ULK4: variants seen among roughly 807,000 people sequenced by gnomAD.
The protein encoded by ULK4 is unc-51 like kinase 4, also known as inactive serine/threonine-protein kinase ULK4.
In ULK4, 133 loss-of-function variants were observed where a neutral mutation model predicts 160.6. The observed-to-expected ratio is 0.83, with a 90% CI of 0.72 to 0.96. ULK4 has a LOEUF of 0.96. Ranked by LOEUF, ULK4 falls within the 40% of genes least tolerant of loss-of-function variation. The pLI, the probability that ULK4 is intolerant of heterozygous loss-of-function variation, is 0.00. For synonymous variants in ULK4, 534 were observed against 539.8 expected, an observed-to-expected ratio of 0.99 and a Z score of 0.15; for missense variants, 1,580 against 1,499.5, an observed-to-expected ratio of 1.05 and a Z score of -0.89.
chr3:41,445,455 G>C (rs562434461), intron 34 of ULK4, among the ~76,000 whole-genome samples: 19,681 of 152,108 alleles, frequency 0.13, 1,634 homozygotes, highest in Admixed American at 0.19. Context: ...GAGGCATCAT[G>C]CTACCTGACT....
intron 29 of ULK4, among the ~76,000 whole-genome samples, chr3:41,670,790 T>TC (rs2035513076): frequency 6.6e-6 from 1 of 151,962 alleles, no homozygotes; most frequent in African/African-American, 2.4e-5. Flanking sequence ...AGAAATGACT[T>TC]CAATAACACT....
chr3:41,456,210 A>G (rs2083549353), intron 33 of ULK4, among the ~76,000 whole-genome samples: 1 of 152,174 alleles, frequency 6.6e-6, no homozygotes, highest in African/African-American at 2.4e-5. Flanking sequence ...GCGCCCAGCC[A>G]AAAGTGCTTT....
In ULK4 at chr3:41,744,149, G is replaced by T. The variant is rs931683896; in HGVS notation, c.2321+10212C>A. On this transcript the variant is annotated intron_variant, in intron 22 of 36. Transcript: ENST00000301831. ...AAATGTTCAGATAACCCAAAGAAAGGTAAGTAAAGAGAAACAAAATAAGGA... is the reference window on the plus strand; with the variant it reads ...AAATGTTCAGATAACCCAAAGAAAGTTAAGTAAAGAGAAACAAAATAAGGA... Among the ~76,000 whole-genome samples the T allele has an allele frequency of 2.0e-5, 3 of 151,708 alleles. No individual in the cohort carries two copies. The East Asian group carries it at 5.8e-4, about 29-fold the overall frequency.
chr3:41,557,245 T>C (rs1176518679), intron 32 of ULK4, among the ~76,000 whole-genome samples: 1 of 151,840 alleles, frequency 6.6e-6, no homozygotes, highest in Admixed American at 6.6e-5. Flanking sequence ...AAAAAGATCC[T>C]CAGACAAATC....
chr3:41,830,501 T>C (rs2041541058), intron 18 of ULK4, among the ~76,000 whole-genome samples: 1 of 152,110 alleles, frequency 6.6e-6, no homozygotes, highest in East Asian at 1.9e-4. Flanking sequence ...AGGTTCATTT[T>C]CTGTATGTAG....
chr3:41,323,739 C>G (rs1204289430), intron 35 of ULK4, among the ~76,000 whole-genome samples: 3 of 151,974 alleles, frequency 2.0e-5, no homozygotes, highest in Non-Finnish European at 4.4e-5. Flanking sequence ...AAAGCAGACA[C>G]AGTGTAAGGG....
chr3:41,801,837 C>A (rs942830418), intron 19 of ULK4, among the ~76,000 whole-genome samples: 1 of 151,620 alleles, frequency 6.6e-6, no homozygotes, highest in African/African-American at 2.4e-5. Context: ...AGCAACAAAG[C>A]AAGACCCTGT....
intron 9 of ULK4, among the ~76,000 whole-genome samples, chr3:41,911,930 A>G (rs1457166971): frequency 6.6e-6 from 1 of 152,130 alleles, no homozygotes; most frequent in Non-Finnish European, 1.5e-5. Context: ...AGGCAGACGG[A>G]TCACTTGAAC....
At chr3:41,639,799 AT>A (rs1312455186) in intron 30 of ULK4, among the ~76,000 whole-genome samples, 6 of 152,226 alleles carry the variant, frequency 3.9e-5, no homozygotes, top group African/African-American at 1.4e-4. Context: ...GGCAACTGTC[AT>A]TTTTATACAT....
chr3:41,960,339 A>C (rs907080372), intron 1 of ULK4, among the ~76,000 whole-genome samples: 3 of 151,998 alleles, frequency 2.0e-5, no homozygotes, highest in Admixed American at 2.0e-4. Context: ...GTTTCCTTAG[A>C]GTAAAATAAG....
chr3:41,946,810 G>A (rs1301951742), intron 2 of ULK4, among the ~76,000 whole-genome samples: 1 of 152,122 alleles, frequency 6.6e-6, no homozygotes, highest in Non-Finnish European at 1.5e-5. Flanking sequence ...GGAGAGGGTG[G>A]CATTTGTTCT....
At chr3:41,357,950 G>C (rs999561786) in intron 35 of ULK4, among the ~76,000 whole-genome samples, 4 of 152,190 alleles carry the variant, frequency 2.6e-5, no homozygotes, top group African/African-American at 9.7e-5. Context: ...TGTATAAAAA[G>C]AGAAAACTAT....
chr3:41,870,517 T>TAA (rs1415920401), intron 17 of ULK4, among the ~76,000 whole-genome samples: 7 of 152,220 alleles, frequency 4.6e-5, no homozygotes, highest in African/African-American at 1.7e-4. Flanking sequence ...TTTTTGAACT[T>TAA]TTATTGTGAA....
At chr3:41,776,406 C>G (rs993748746) in intron 21 of ULK4, among the ~76,000 whole-genome samples, 1 of 150,048 alleles carries the variant, frequency 6.7e-6, no homozygotes, top group Non-Finnish European at 1.5e-5. Flanking sequence ...TCAAGTTTTC[C>G]TTTTCATATT....
intron 32 of ULK4, among the ~76,000 whole-genome samples, chr3:41,527,619 T>C (rs2086165511): frequency 6.6e-6 from 1 of 152,244 alleles, no homozygotes; most frequent in African/African-American, 2.4e-5. Flanking sequence ...GTTGTCCACC[T>C]AATTCTTTAA....
At chr3:41,869,188 T>C (rs1697005964) in intron 17 of ULK4, 2 of 152,150 alleles carry the variant, frequency 1.3e-5, no homozygotes, top group African/African-American at 4.8e-5. Flanking sequence ...CCAATTATAA[T>C]AGCATGCATA....
intron 19 of ULK4, among the ~76,000 whole-genome samples, chr3:41,813,650 G>A (rs1331849245): frequency 3.3e-5 from 5 of 152,154 alleles, no homozygotes. Flanking sequence ...ATTTTAATAA[G>A]AGCTAAAATG....
At chr3:41,765,378 G>A (rs2039124769) in intron 21 of ULK4, among the ~76,000 whole-genome samples, 1 of 151,994 alleles carries the variant, frequency 6.6e-6, no homozygotes, top group African/African-American at 2.4e-5. Context: ...TGGACACAGG[G>A]TGGGGAACAT....
intron 30 of ULK4, among the ~76,000 whole-genome samples, chr3:41,642,693 G>A (rs574582453): frequency 0.058 from 8,804 of 152,182 alleles, 852 homozygotes; most frequent in African/African-American, 0.2. Context: ...ATAGTCCTTT[G>A]GGTATATACC....
Sources: allele counts gnomAD v4.1 joint callset (sites outside exome capture counted in the v4.1 genomes callset), GRCh38; gene constraint gnomAD v4.1.1; transcripts MANE v1.5; gene names NCBI Gene and HGNC (gene_info 2026-07-23, HGNC 2026-07-21).